The following IMMP2L variants were observed in gnomAD, a reference collection of about 807,000 sequenced individuals.
The protein encoded by IMMP2L is mitochondrial inner membrane protease subunit 2.
IMMP2L carries 18 observed loss-of-function variants against 19.3 expected under a neutral mutation model. That is an observed-to-expected ratio of 0.93 (90% CI 0.64 to 1.38). The LOEUF is 1.38. Among genes scored for constraint, IMMP2L ranks in the 40% most tolerant of loss-of-function variants. The pLI is 0.00. For synonymous variants in IMMP2L, 76 were observed against 73.0 expected (o/e 1.04, Z -0.21); for missense variants, 233 against 218.2 (o/e 1.07, Z -0.43).
At chr7:110,730,520 C>G (rs1431166778) in intron 5 of IMMP2L, among the ~76,000 whole-genome samples, 3 of 151,834 alleles carry the variant, frequency 2.0e-5, no homozygotes, top group Non-Finnish European at 4.4e-5. Flanking sequence ...GGCTTTCTTT[C>G]CTTTTCTTTT....
chr7:111,180,695 G>A (rs1289164810), intron 3 of IMMP2L, among the ~76,000 whole-genome samples: 2 of 151,948 alleles, frequency 1.3e-5, no homozygotes, highest in Non-Finnish European at 2.9e-5. Context: ...AATGACATAA[G>A]CCTACAATAA....
chr7:110,813,052 C>T lies in IMMP2L; in HGVS notation c.408+73541G>A, dbSNP rs578041931. On this transcript the variant is annotated intron_variant, in intron 5 of 5. Coordinates refer to ENST00000405709, the MANE Select transcript of IMMP2L (RefSeq NM_032549.4). ...GCTGAATTAGAGTTACGAGGAATCACTTTGCAGTAAAATGTTTTCCCCTAT... is the reference window on the plus strand; with the variant it reads ...GCTGAATTAGAGTTACGAGGAATCATTTTGCAGTAAAATGTTTTCCCCTAT... Among the ~76,000 whole-genome samples, 8 of 152,128 alleles carry T rather than the reference C, an allele frequency of 5.3e-5. No individual in the cohort carries two copies. In the South Asian group the frequency reaches 1.7e-3, roughly 32 times the overall value.
rs1563354066 is a variant in IMMP2L at position 111,556,015 on chromosome 7, C to CCCTTAT, written c.-3+5835_-3+5836insATAAGG. 2.3e-4 allele frequency among the ~76,000 whole-genome samples: 3 copies of CCCTTAT among 13,314 alleles called. 1 individual carries two copies. The highest frequency in any genetic ancestry group is 1.5e-3 in the Non-Finnish European group (3 of 1,946). The allele number at this position is 13,314 out of a possible 152,430, so 8.7% of individuals were successfully genotyped here. A position where few individuals can be genotyped will look rare whatever the true frequency, so the allele number is the denominator to read the frequency against. ...CAATTAGCCATCCCTCTTCTGTGTG[C>CCCTTAT]ATGTATATATATATATATATACATA... On this transcript the variant is annotated intron_variant, in intron 1 of 5. Coordinates refer to ENST00000405709, the MANE Select transcript of IMMP2L (RefSeq NM_032549.4).
At chr7:111,526,465 T>C (rs1846869972) in intron 1 of IMMP2L, among the ~76,000 whole-genome samples, 1 of 152,182 alleles carries the variant, frequency 6.6e-6, no homozygotes, top group Non-Finnish European at 1.5e-5. Context: ...CTTTGAATTT[T>C]TGCTGGTTTC....
At chr7:111,370,905 T>G (rs1830206186) in intron 3 of IMMP2L, among the ~76,000 whole-genome samples, 1 of 151,976 alleles carries the variant, frequency 6.6e-6, no homozygotes, top group Admixed American at 6.6e-5. Flanking sequence ...TTTCAGACAT[T>G]CCACTTCCAT....
At chr7:111,196,998 G>A (rs906302965) in intron 3 of IMMP2L, among the ~76,000 whole-genome samples, 6 of 152,130 alleles carry the variant, frequency 3.9e-5, no homozygotes, top group Non-Finnish European at 7.3e-5. Context: ...TTTCGTTTAT[G>A]AAGTTTCCCT....
At chr7:111,277,354 A>G (rs963524932) in intron 3 of IMMP2L, among the ~76,000 whole-genome samples, 3 of 152,232 alleles carry the variant, frequency 2.0e-5, no homozygotes, top group South Asian at 2.1e-4. Flanking sequence ...GCTCAAAATC[A>G]CTAATCATCA....
At chr7:111,155,752 T>G (rs937635131) in intron 3 of IMMP2L, among the ~76,000 whole-genome samples, 3 of 152,096 alleles carry the variant, frequency 2.0e-5, no homozygotes, top group Non-Finnish European at 4.4e-5. Flanking sequence ...AACTTTTCAT[T>G]GTTGCATAAC....
chr7:111,474,742 T>G (rs1360874792), intron 3 of IMMP2L, among the ~76,000 whole-genome samples: 1 of 152,134 alleles, frequency 6.6e-6, no homozygotes, highest in African/African-American at 2.4e-5. Flanking sequence ...ATTCTTTACC[T>G]TCTTGCAACT....
intron 3 of IMMP2L, among the ~76,000 whole-genome samples, chr7:111,187,297 C>T (rs1808377192): frequency 6.6e-6 from 1 of 152,082 alleles, no homozygotes; most frequent in Non-Finnish European, 1.5e-5. Flanking sequence ...ATAGACAAGA[C>T]ATAAGTTCTG....
At chr7:111,435,296 G>A (rs909337590) in intron 3 of IMMP2L, among the ~76,000 whole-genome samples, 1 of 151,768 alleles carries the variant, frequency 6.6e-6, no homozygotes, top group Non-Finnish European at 1.5e-5. Context: ...GTCCATCAAT[G>A]GAGGATTTCA....
chr7:111,437,552 A>G (rs1474948467), intron 3 of IMMP2L, among the ~76,000 whole-genome samples: 1 of 151,978 alleles, frequency 6.6e-6, no homozygotes, highest in Non-Finnish European at 1.5e-5. Context: ...CGCAAAAACG[A>G]TAACGTCTAG....
chr7:111,545,482 C>A (rs1409379934), intron 1 of IMMP2L, among the ~76,000 whole-genome samples: 1 of 152,108 alleles, frequency 6.6e-6, no homozygotes, highest in Admixed American at 6.6e-5. Context: ...CCTCTGCCTC[C>A]CAGGTTCAAG....
chr7:111,467,093 C>CA (rs1410824124), intron 3 of IMMP2L, among the ~76,000 whole-genome samples: 1 of 152,060 alleles, frequency 6.6e-6, no homozygotes, highest in Non-Finnish European at 1.5e-5. Context: ...CAGATTAAAT[C>CA]ACTGATCAGC....
intron 3 of IMMP2L, among the ~76,000 whole-genome samples, chr7:111,153,193 AGAG>A (rs1389999824): frequency 6.6e-6 from 1 of 152,118 alleles, no homozygotes; most frequent in Non-Finnish European, 1.5e-5. Flanking sequence ...TCTTAACAGA[AGAG>A]TATTTAAAAG....
At chr7:110,891,818 CAG>C (rs978281847) in intron 4 of IMMP2L, among the ~76,000 whole-genome samples, 8 of 151,872 alleles carry the variant, frequency 5.3e-5, no homozygotes, top group African/African-American at 1.9e-4. Context: ...GAATTCAATA[CAG>C]AGAGCTAAAG....
At chr7:111,074,327 A>G (rs947973760) in intron 3 of IMMP2L, among the ~76,000 whole-genome samples, 1 of 152,212 alleles carries the variant, frequency 6.6e-6, no homozygotes, top group East Asian at 1.9e-4. Context: ...TTTGTGTTTG[A>G]GAGAATTTAT....
chr7:110,850,731 C>A (rs1235098796), intron 5 of IMMP2L, among the ~76,000 whole-genome samples: 1 of 150,892 alleles, frequency 6.6e-6, no homozygotes, highest in African/African-American at 2.4e-5. Context: ...AAAAGATACT[C>A]AAAAGTCAGG....
intron 3 of IMMP2L, among the ~76,000 whole-genome samples, chr7:111,155,658 A>G (rs1417099641): frequency 6.8e-6 from 1 of 147,404 alleles, no homozygotes; most frequent in Non-Finnish European, 1.5e-5. Context: ...TGTCATGGAA[A>G]TTTATATGCA....
Sources: allele counts gnomAD v4.1 joint callset (sites outside exome capture counted in the v4.1 genomes callset), GRCh38; gene constraint gnomAD v4.1.1; transcripts MANE v1.5; gene names NCBI Gene and HGNC (gene_info 2026-07-23, HGNC 2026-07-21).